Variants in FAF1 observed in about 807,000 individuals in gnomAD.
FAF1 encodes FAS-associated factor 1.
Under a neutral mutation model 92.5 loss-of-function variants are expected in FAF1, and 25 were observed. The observed-to-expected ratio is 0.27, with a 90% CI of 0.20 to 0.38. FAF1 has a LOEUF of 0.38. Ranked by LOEUF, FAF1 falls within the 10% of genes least tolerant of loss-of-function variation. The probability of loss-of-function intolerance (pLI) is 1.00; values close to 1 mark genes in which losing one functional copy is unlikely to be tolerated. For synonymous variants in FAF1, 234 were observed against 273.2 expected (o/e 0.86, Z 1.42); for missense variants, 636 against 793.3 (o/e 0.80, Z 2.38).
chr1:50,846,118 A>C (rs1644296743), intron 2 of FAF1, among the ~76,000 whole-genome samples: 1 of 152,088 alleles, frequency 6.6e-6, no homozygotes, highest in African/African-American at 2.4e-5. Flanking sequence ...CAAGAACAAA[A>C]GTGAGAAAGG....
intron 15 of FAF1, among the ~76,000 whole-genome samples, chr1:50,503,860 G>C (rs572869796): frequency 6.6e-6 from 1 of 152,170 alleles, no homozygotes; most frequent in South Asian, 2.1e-4. Context: ...AGAAAGTTCA[G>C]TGGATATGTG....
chr1:50,954,104 A>C lies in FAF1; in HGVS notation c.45+5663T>G, dbSNP rs1369127402. Among the ~76,000 whole-genome samples, 4 of 151,950 alleles carry C rather than the reference A, an allele frequency of 2.6e-5. No individual in the cohort carries two copies. The East Asian group carries it at 7.7e-4, about 29-fold the overall frequency. ...GCTGGGACTACAGGTGCCCGCCACC[A>C]TGCCCAGCTAATTTTTTGTTTTTTA... is the stretch of plus-strand genomic sequence containing the variant. On this transcript the variant is annotated intron_variant, in intron 1 of 18. Transcript: ENST00000396153.
intron 6 of FAF1, among the ~76,000 whole-genome samples, chr1:50,729,618 G>T: frequency 6.6e-6 from 1 of 151,394 alleles, no homozygotes. Context: ...TGTTGGCTAG[G>T]CTGGTCTCAA....
chr1:50,732,266 G>A (rs539217596), intron 6 of FAF1, among the ~76,000 whole-genome samples: 6 of 151,716 alleles, frequency 4.0e-5, no homozygotes, highest in African/African-American at 7.3e-5. Context: ...TAGTAGAGAC[G>A]GGGTTTCACC....
chr1:50,509,498 G>A (rs1346999059), intron 15 of FAF1, among the ~76,000 whole-genome samples: 2 of 152,162 alleles, frequency 1.3e-5, no homozygotes, highest in Non-Finnish European at 2.9e-5. Flanking sequence ...TGTGGTCCCA[G>A]CTACTTGGGT....
intron 8 of FAF1, among the ~76,000 whole-genome samples, chr1:50,631,151 A>AT (rs941774072): frequency 4.6e-5 from 7 of 151,730 alleles, no homozygotes; most frequent in African/African-American, 1.7e-4. Flanking sequence ...GTCTAAACGC[A>AT]TTTTTTTCCT....
At chr1:50,806,672 A>T (rs566037253) in intron 2 of FAF1, among the ~76,000 whole-genome samples, 2 of 152,226 alleles carry the variant, frequency 1.3e-5, no homozygotes, top group Non-Finnish European at 2.9e-5. Flanking sequence ...GCTCCAGTAC[A>T]GCATGTTCCT....
chr1:50,743,748 T>C (rs974291983), intron 5 of FAF1, among the ~76,000 whole-genome samples: 5 of 152,176 alleles, frequency 3.3e-5, no homozygotes, highest in Admixed American at 2.6e-4. Flanking sequence ...TCATTTTTTT[T>C]CCTTCTTTCT....
chr1:50,630,210 A>C (rs1653707378), intron 8 of FAF1, among the ~76,000 whole-genome samples: 1 of 152,170 alleles, frequency 6.6e-6, no homozygotes, highest in African/African-American at 2.4e-5. Context: ...GTAAAAATTT[A>C]TTTTGGTTCC....
intron 2 of FAF1, among the ~76,000 whole-genome samples, chr1:50,825,296 A>G (rs531913092): frequency 2.2e-4 from 34 of 152,240 alleles, no homozygotes; most frequent in African/African-American, 8.2e-4. Context: ...CCTTAAATAT[A>G]AAAACCTAAA....
intron 1 of FAF1, among the ~76,000 whole-genome samples, chr1:50,933,084 C>T (rs142215938): frequency 3.7e-4 from 57 of 152,278 alleles, no homozygotes; most frequent in African/African-American, 1.3e-3. Context: ...GGCCTCCGTG[C>T]CTATGATGAG....
chr1:50,946,178 C>T (rs1645171354), intron 1 of FAF1, among the ~76,000 whole-genome samples: 2 of 152,220 alleles, frequency 1.3e-5, no homozygotes, highest in Admixed American at 1.3e-4. Context: ...CCTCCTTTCA[C>T]ACTCAGTGTA....
intron 2 of FAF1, among the ~76,000 whole-genome samples, chr1:50,810,219 C>T (rs1302221484): frequency 6.6e-6 from 1 of 152,128 alleles, no homozygotes; most frequent in East Asian, 1.9e-4. Context: ...TGCACCATTG[C>T]ACTCCAGCCT....
intron 1 of FAF1, among the ~76,000 whole-genome samples, chr1:50,903,753 A>C (rs1644814283): frequency 6.6e-6 from 1 of 152,216 alleles, no homozygotes; most frequent in Admixed American, 6.5e-5. Context: ...ACTAATTAGC[A>C]AAGAACTGAA....
rs551737077 is a variant in FAF1, at chr1:50,516,607, A to G, written c.1494+18762T>C. On this transcript the variant is annotated intron_variant, in intron 15 of 18. Transcript: ENST00000396153. ...GTGAAGAGGGAGTGAGTAGGCAGGT[A>G]TATGTTAGACAGCTCCTTTCTTGAC... 1.1e-4 allele frequency among the ~76,000 whole-genome samples: 16 copies of G among 152,290 alleles called. No individual in the cohort carries two copies. The South Asian group carries it at 2.3e-3, about 22-fold the overall frequency.
chr1:50,818,986 T>C (rs1644004706), intron 2 of FAF1, among the ~76,000 whole-genome samples: 1 of 152,226 alleles, frequency 6.6e-6, no homozygotes, highest in Non-Finnish European at 1.5e-5. Context: ...ATTTTTGGCT[T>C]CATTTAGACT....
chr1:50,924,990 C>T lies in FAF1; in HGVS notation c.45+34777G>A, dbSNP rs534145116. On this transcript the variant is annotated intron_variant, in intron 1 of 18. Transcript: ENST00000396153. ...AAGAATGAAACTCCATCTCAAAAAACATAACAAAACAAAACAGATACATAG... is the reference window on the plus strand; with the variant it reads ...AAGAATGAAACTCCATCTCAAAAAATATAACAAAACAAAACAGATACATAG... Among the ~76,000 whole-genome samples the T allele has an allele frequency of 3.9e-5, 6 of 152,158 alleles. No homozygotes were observed. In the South Asian group the frequency reaches 6.2e-4, roughly 16 times the overall value.
At chr1:50,508,667 T>C (rs1647090772) in intron 15 of FAF1, among the ~76,000 whole-genome samples, 1 of 152,134 alleles carries the variant, frequency 6.6e-6, no homozygotes, top group African/African-American at 2.4e-5. Context: ...CTGTACAATA[T>C]TGTGAATGTA....
intron 1 of FAF1, among the ~76,000 whole-genome samples, chr1:50,927,062 A>C (rs751110662): frequency 6.6e-6 from 1 of 152,186 alleles, no homozygotes; most frequent in Non-Finnish European, 1.5e-5. Context: ...AAACTCACAG[A>C]AGCAGAAAGG....
Sources: allele counts gnomAD v4.1 joint callset (sites outside exome capture counted in the v4.1 genomes callset), GRCh38; gene constraint gnomAD v4.1.1; transcripts MANE v1.5; gene names NCBI Gene and HGNC (gene_info 2026-07-23, HGNC 2026-07-21).